RPL6: variants seen among roughly 807,000 people sequenced by gnomAD.
RPL6 encodes ribosomal protein L6.
A neutral mutation model predicts 32.1 loss-of-function variants in RPL6; 1 was observed. The observed-to-expected ratio is 0.03, with a 90% CI of 0.01 to 0.15. The LOEUF (loss-of-function observed/expected upper bound fraction) is 0.15. RPL6 is among the 10% of genes least tolerant of loss of function. RPL6 has a pLI of 1.00. For missense variants in RPL6, 275 were observed against 354.6 expected (o/e 0.78, Z 1.80); for synonymous variants, 126 against 131.6 (o/e 0.96, Z 0.29).
At chr12:112,405,412 C>G in intron 6 of RPL6, 36 bp from the exon 7 acceptor site, 1 of 1,602,646 alleles carries the variant, frequency 6.2e-7, no homozygotes, top group Non-Finnish European at 8.5e-7. Flanking sequence ...TTAAAACAGG[C>G]ACATACCAAA....
At chr12:112,405,735 C>G in intron 6 of RPL6, 118 bp downstream of exon 6, 1 of 829,494 alleles carries the variant, frequency 1.2e-6, no homozygotes, top group East Asian at 2.6e-5. Flanking sequence ...TACTAAGTAT[C>G]TCCCAGCATT....
At chr12:112,410,384 G>A, upstream of RPL6, 3 of 249,334 alleles carry the variant, frequency 1.2e-5, no homozygotes, top group South Asian at 5.5e-5. Flanking sequence ...CCTCCGGCCT[G>A]GCCTACAGAA....
Position 112,405,334 on chromosome 12 carries a change from C to G in RPL6, c.757G>C (p.Val253Leu). 1 of 1,609,738 alleles carries G rather than the reference C, an allele frequency of 6.2e-7. No homozygotes were observed. Among genetic ancestry groups the G allele is most frequent in the East Asian group, 2.2e-5 (1 of 44,862 alleles). ...ATTTTTGGTAAAATTTGTGAGTCCACAGCTTTCTGATCAATCTTGCGCTGC... is the reference window on the plus strand; with the variant it reads ...ATTTTTGGTAAAATTTGTGAGTCCAGAGCTTTCTGATCAATCTTGCGCTGC... ...TEQRKIDQKA[V>L]DSQILPKIKA... The change falls in exon 7 of 7, where the codon GTG becomes CTG. Residue 253 changes from valine (V) to leucine (L), a missense_variant. Val to Leu is a conservative substitution (Grantham distance 32). Coordinates refer to ENST00000202773, the MANE Select transcript of RPL6 (RefSeq NM_000970.6).
chr12:112,416,753 T>C (rs1190717222), intron 1 of RPL6, among the ~76,000 whole-genome samples: 2 of 152,216 alleles, frequency 1.3e-5, no homozygotes, highest in African/African-American at 2.4e-5. Context: ...CTCTGGCTAC[T>C]ATGTGGAGAT....
At chr12:112,409,970 C>T (rs1054521729), upstream of RPL6, among the ~76,000 whole-genome samples, 1 of 142,436 alleles carries the variant, frequency 7.0e-6, no homozygotes, top group African/African-American at 2.7e-5. Context: ...AAGATCGCGA[C>T]ACTGCGCTCT....
At chr12:112,411,001 G>T (rs1274896835), upstream of RPL6, among the ~76,000 whole-genome samples, 1 of 152,148 alleles carries the variant, frequency 6.6e-6, no homozygotes, top group East Asian at 1.9e-4. Context: ...CATACAATGT[G>T]CCTTGCTTTA....
intron 3 of RPL6, chr12:112,407,746 C>A: frequency 6.3e-6 from 1 of 159,440 alleles, no homozygotes; most frequent in Non-Finnish European, 1.4e-5. Flanking sequence ...CCCTCATTCC[C>A]ATCTTATCTT....
At chr12:112,406,695 C>T in intron 4 of RPL6, 52 bp downstream of exon 4, 1 of 1,604,032 alleles carries the variant, frequency 6.2e-7, no homozygotes, top group Non-Finnish European at 8.5e-7. Context: ...CGCATTGCCA[C>T]CAGGCACCCC....
chr12:112,405,522 T>A, intron 6 of RPL6, 146 bp from the exon 7 acceptor site: 2 of 877,036 alleles, frequency 2.3e-6, no homozygotes, highest in Non-Finnish European at 3.5e-6. Flanking sequence ...TTCCTTGGAA[T>A]GCTGTGAAAC....
At chr12:112,416,229 T>C (rs1191394710) in intron 1 of RPL6, among the ~76,000 whole-genome samples, 4 of 141,402 alleles carry the variant, frequency 2.8e-5, no homozygotes, top group Non-Finnish European at 4.5e-5. Context: ...AAGCTCCACC[T>C]CCTGGGTTCA....
chr12:112,408,768 C>T (rs1022198909), intron 1 of RPL6, 112 bp from the exon 2 acceptor site: 2 of 882,208 alleles, frequency 2.3e-6, no homozygotes, highest in African/African-American at 3.3e-5. Context: ...ACAATCCCTC[C>T]CCCGGTAAGA....
upstream of RPL6, among the ~76,000 whole-genome samples, chr12:112,412,034 C>A (rs1481646581): frequency 6.6e-6 from 1 of 151,620 alleles, no homozygotes; most frequent in African/African-American, 2.4e-5. Context: ...TGCCCGCTAC[C>A]ACACCTGGCT....
intron 1 of RPL6, chr12:112,418,475 C>G (rs924694019): frequency 1.0e-5 from 2 of 191,978 alleles, no homozygotes; most frequent in Admixed American, 1.2e-4. Flanking sequence ...AACTCCTTGG[C>G]TTAAGCGAAC....
Position 112,417,560 on chromosome 12 carries a change from C to CTTTTTTT in RPL6, c.-229+1161_-229+1167dup, listed in dbSNP as rs1209085428. Among the ~76,000 whole-genome samples, 9 of 75,082 alleles carry CTTTTTTT rather than the reference C, an allele frequency of 1.2e-4. 1 individual carries two copies. The East Asian group carries it at 1.7e-3, about 14-fold the overall frequency. The allele number at this position is 75,082 out of a possible 152,430, so 49.3% of individuals were successfully genotyped here. Reference sequence around the variant, plus strand: ...AATACTTCCGTACCACCCGGCCCGGCTTTTTTTTTTTTTTTTTTTTTTTTT... The same window carrying CTTTTTTT: ...AATACTTCCGTACCACCCGGCCCGGCTTTTTTTTTTTTTTTTTTTTTTTTTTTTTTTT... On this transcript the variant is annotated intron_variant, in intron 1 of 5. Transcript: ENST00000551291.
intron 4 of RPL6, 164 bp downstream of exon 4, chr12:112,406,583 G>T: frequency 1.0e-6 from 1 of 988,318 alleles, no homozygotes; most frequent in Non-Finnish European, 1.5e-6. Context: ...AAATCACCAT[G>T]GATTACACTT....
intron 5 of RPL6, 34 bp from the exon 6 acceptor site, chr12:112,406,071 G>A (rs779836656): frequency 3.9e-6 from 6 of 1,556,916 alleles, no homozygotes; most frequent in African/African-American, 1.4e-5. Flanking sequence ...CAAGGAAAAG[G>A]GGGAAGAATC....
chr12:112,408,077 A>G, intron 3 of RPL6, 163 bp downstream of exon 3: 1 of 614,272 alleles, frequency 1.6e-6, no homozygotes, highest in South Asian at 2.0e-5. Context: ...AAATTACTTA[A>G]GATTAACAGT....
rs1209085428 is a variant in RPL6 at position 112,417,560 on chromosome 12, C to CTTTTT, written c.-229+1163_-229+1167dup. ...AATACTTCCGTACCACCCGGCCCGG[C>CTTTTT]TTTTTTTTTTTTTTTTTTTTTTTTT... On this transcript the variant is annotated intron_variant, in intron 1 of 5. Transcript: ENST00000551291. Among the ~76,000 whole-genome samples, 18 of 75,082 alleles carry CTTTTT rather than the reference C, an allele frequency of 2.4e-4. 2 individuals are homozygous for CTTTTT. Among genetic ancestry groups the CTTTTT allele is most frequent in the African/African-American group, 1.0e-3 (15 of 14,892 alleles). 49.3% of individuals were successfully genotyped at this position (75,082 alleles called of 152,430 possible).
chr12:112,406,042 GGGGGAAA>G lies in RPL6; in HGVS notation c.530-12_530-6del, dbSNP rs2037154769. ...CTCGATTGAGGACCAGAGGTCCTAA[GGGGGAAA>G]AATTAATTTAGCAAGGAAAAGGGGG... On this transcript the variant is annotated splice_region_variant and splice_polypyrimidine_tract_variant and intron_variant, in intron 5 of 6. Transcript: ENST00000202773. 6.3e-7 allele frequency: 1 copy of G among 1,597,318 alleles called. No homozygotes were observed. Among genetic ancestry groups the G allele is most frequent in the Non-Finnish European group, 8.5e-7 (1 of 1,172,048 alleles).
Sources: allele counts gnomAD v4.1 joint callset (sites outside exome capture counted in the v4.1 genomes callset), GRCh38; gene constraint gnomAD v4.1.1; transcripts MANE v1.5; gene names NCBI Gene and HGNC (gene_info 2026-07-23, HGNC 2026-07-21).